Variants in CACNA1B observed in about 807,000 individuals in gnomAD.
The protein encoded by CACNA1B is calcium voltage-gated channel subunit alpha1 B.
CACNA1B carries 70 observed loss-of-function variants against 247.2 expected under a neutral mutation model. The ratio of observed to expected loss-of-function variants is 0.28; its 90% confidence interval spans 0.23 to 0.35. CACNA1B has a LOEUF of 0.35. Ranked by LOEUF, CACNA1B falls within the 10% of genes least tolerant of loss-of-function variation. The probability of loss-of-function intolerance (pLI) is 1.00; values close to 1 mark genes in which losing one functional copy is unlikely to be tolerated. For missense variants in CACNA1B, 2,367 were observed against 3,197.4 expected (o/e 0.74, Z 6.26); for synonymous variants, 1,231 against 1,294.4 (o/e 0.95, Z 1.05).
At chr9:138,040,469 T>C in intron 20 of CACNA1B, 1 of 177,750 alleles carries the variant, frequency 5.6e-6, no homozygotes, top group Non-Finnish European at 1.1e-5. Context: ...TATATATGTA[T>C]CTCCTATATA....
At chr9:138,044,885 A>T (rs1304266167) in intron 21 of CACNA1B, among the ~76,000 whole-genome samples, 4 of 152,192 alleles carry the variant, frequency 2.6e-5, no homozygotes, top group African/African-American at 9.7e-5. Flanking sequence ...TTACCCTGCT[A>T]CGCTGCGGTT....
rs759452177 is a variant in CACNA1B at position 137,971,584 on chromosome 9, C to T, written c.1535C>T (p.Thr512Met). 25 of 1,612,564 alleles carry T rather than the reference C, an allele frequency of 1.6e-5. No individual in the cohort carries two copies. Among genetic ancestry groups the T allele is most frequent in the Admixed American group, 1.0e-4 (6 of 59,838 alleles). The change falls in exon 11 of 47, where the codon ACG (threonine) becomes ATG (methionine). Residue 512 changes from threonine (T) to methionine (M), a missense_variant. Coordinates refer to ENST00000371372, the MANE Select transcript of CACNA1B (RefSeq NM_000718.4). This position sits in a 1 kb window ranked among gnomAD's most constrained non-coding sequence, Gnocchi z 4.4. ...VHYNQPRRLT[T>M]TLYFAEFVFL... Reference sequence around the variant, plus strand: ...TACAACCAGCCGCGGCGGCTTACCACGACCCTGTGTACGTATCCCCGTCCC... The same window carrying T: ...TACAACCAGCCGCGGCGGCTTACCATGACCCTGTGTACGTATCCCCGTCCC...
At chr9:138,113,554 G>T (rs1342770992) in intron 40 of CACNA1B, among the ~76,000 whole-genome samples, 2 of 133,460 alleles carry the variant, frequency 1.5e-5, no homozygotes, top group Non-Finnish European at 3.2e-5. Flanking sequence ...GTGAGGGAGC[G>T]CAGGAAGGTG....
At chr9:138,065,714 C>T (rs1249820164) in intron 31 of CACNA1B, among the ~76,000 whole-genome samples, 1 of 152,238 alleles carries the variant, frequency 6.6e-6, no homozygotes, top group Admixed American at 6.5e-5. Context: ...TAATTGACAA[C>T]TTGTAATGTT....
intron 36 of CACNA1B, among the ~76,000 whole-genome samples, chr9:138,081,311 G>A (rs995666380): frequency 3.9e-5 from 6 of 152,238 alleles, no homozygotes; most frequent in Non-Finnish European, 8.8e-5. Context: ...CGTGGCCACT[G>A]TCCTTTGTTC....
chr9:138,032,741 A>G (rs1302323084), intron 20 of CACNA1B: 1 of 452,304 alleles, frequency 2.2e-6, no homozygotes, highest in East Asian at 7.0e-5. Flanking sequence ...TGAGAAATCC[A>G]CTGTCATTCG....
At chr9:138,075,705 C>T (rs1235418060) in intron 34 of CACNA1B, 114 bp from the exon 35 acceptor site, 9 of 671,652 alleles carry the variant, frequency 1.3e-5, no homozygotes, top group South Asian at 3.3e-5. Flanking sequence ...GTGGGGCAGT[C>T]GCCCATCTCA....
intron 3 of CACNA1B, among the ~76,000 whole-genome samples, chr9:137,893,524 G>T (rs1243595875): frequency 6.6e-6 from 1 of 151,436 alleles, no homozygotes; most frequent in African/African-American, 2.4e-5. Flanking sequence ...GGTGGCACGC[G>T]CCTGTAATCC....
chr9:138,047,713 T>C (rs533264334), intron 23 of CACNA1B, among the ~76,000 whole-genome samples: 1 of 152,258 alleles, frequency 6.6e-6, no homozygotes, highest in South Asian at 2.1e-4. Flanking sequence ...CTCTGGTTTC[T>C]TGAACACATG....
In CACNA1B at chr9:138,066,725, G is replaced by A. The variant is rs1008391131; in HGVS notation, c.4669-3033G>A. On this transcript the variant is annotated intron_variant, in intron 31 of 46. Transcript: ENST00000371372. ...GAAAATACTGTATATTAAAGCTCAT[G>A]AGATAACAGCTGAAGCAGTACTCAG... is the stretch of plus-strand genomic sequence containing the variant. Among the ~76,000 whole-genome samples, 3 of 152,288 alleles carry A rather than the reference G, an allele frequency of 2.0e-5. No homozygotes were observed. The South Asian group carries it at 6.2e-4, about 32-fold the overall frequency.
intron 6 of CACNA1B, among the ~76,000 whole-genome samples, chr9:137,947,006 A>G (rs1298326086): frequency 6.6e-6 from 1 of 152,232 alleles, no homozygotes; most frequent in Non-Finnish European, 1.5e-5. Context: ...ACTATGCTCC[A>G]CAGAGTGGGA....
chr9:137,920,160 G>A (rs185218057), intron 6 of CACNA1B, among the ~76,000 whole-genome samples: 60 of 152,282 alleles, frequency 3.9e-4, no homozygotes, highest in Admixed American at 1.8e-3. Flanking sequence ...TCATGGTGAA[G>A]CATGTCAGTT....
intron 38 of CACNA1B, among the ~76,000 whole-genome samples, chr9:138,103,295 C>A (rs1381723710): frequency 4.6e-5 from 7 of 152,216 alleles, no homozygotes; most frequent in Non-Finnish European, 1.0e-4. Context: ...AACCCCCTCC[C>A]CAGCTCAGCA....
At chr9:137,975,052 C>T (rs1958202314) in intron 11 of CACNA1B, among the ~76,000 whole-genome samples, 1 of 152,206 alleles carries the variant, frequency 6.6e-6, no homozygotes, top group South Asian at 2.1e-4. Context: ...TGGCCTCACC[C>T]AGCTCTGGAG....
At chr9:137,978,016 CCCCCAGGAAGGAG>C (rs1958242709) in intron 12 of CACNA1B, among the ~76,000 whole-genome samples, 2 of 146,600 alleles carry the variant, frequency 1.4e-5, no homozygotes, top group African/African-American at 5.1e-5. Context: ...GAGCACTGCC[CCCCCAGGAAGGAG>C]TGAAGGGTGG....
At chr9:137,935,165 C>T (rs1957651151) in intron 6 of CACNA1B, among the ~76,000 whole-genome samples, 1 of 152,060 alleles carries the variant, frequency 6.6e-6, no homozygotes. Context: ...AGATTTGTTG[C>T]ATATGTATAC....
In CACNA1B at chr9:138,020,836, A is replaced by G. The variant is rs1425673554; in HGVS notation, c.2268-2175A>G. On this transcript the variant is annotated intron_variant, in intron 18 of 46. Transcript: ENST00000371372. This position sits in a 1 kb window ranked among gnomAD's most constrained non-coding sequence, Gnocchi z 4.1. ...GGAGCCACACCTGAATGCAAGGGTG[A>G]GGGCAGAGCTATATGGTCTGGAGCC... 6.6e-6 allele frequency among the ~76,000 whole-genome samples: 1 copy of G among 152,208 alleles called. No individual in the cohort carries two copies. Among genetic ancestry groups the G allele is most frequent in the Non-Finnish European group, 1.5e-5 (1 of 68,020 alleles).
chr9:138,107,291 G>A (rs1438046169), intron 39 of CACNA1B, among the ~76,000 whole-genome samples: 1 of 150,628 alleles, frequency 6.6e-6, no homozygotes, highest in African/African-American at 2.4e-5. Context: ...GTGTCACCCA[G>A]GCTGGAGTGC....
At chr9:138,108,005 C>T (rs958251969) in intron 39 of CACNA1B, among the ~76,000 whole-genome samples, 1 of 148,776 alleles carries the variant, frequency 6.7e-6, no homozygotes, top group Non-Finnish European at 1.5e-5. Context: ...GAATAGATAA[C>T]CTTCAGTTTC....
Sources: gnomAD v4.1 joint callset for allele counts (sites outside exome capture counted in the v4.1 genomes callset) on GRCh38, gnomAD v4.1.1 for gene constraint, Gnocchi (gnomAD v3.1) non-coding constraint, MANE v1.5 for transcripts, NCBI Gene and HGNC (gene_info 2026-07-23, HGNC 2026-07-21) for gene names.